Variants in RAD54B observed in about 807,000 individuals in gnomAD.
RAD54B encodes the protein DNA repair and recombination protein RAD54B.
In RAD54B, 78 loss-of-function variants were observed where a neutral mutation model predicts 95.8. That is an observed-to-expected ratio of 0.81 (90% CI 0.68 to 0.98). The LOEUF (loss-of-function observed/expected upper bound fraction) is 0.98, where lower values mean the gene tolerates loss of function less well. RAD54B is among the 50% of genes least tolerant of loss of function. The pLI is 0.00. For missense variants in RAD54B, 957 were observed against 1,056.6 expected, an observed-to-expected ratio of 0.91 and a Z score of 1.31; for synonymous variants, 328 against 354.9, an observed-to-expected ratio of 0.92 and a Z score of 0.85.
Position 94,387,023 on chromosome 8 carries a change from T to C in RAD54B, c.1946A>G (p.Lys649Arg), listed in dbSNP as rs1264084043. The change falls in exon 11 of 15, where the codon AAG (lysine) becomes AGG (arginine). Residue 649 changes from lysine to arginine, a missense_variant. Transcript: ENST00000336148. Reference protein sequence around the residue: ...KESGKLQVLSKLLAVIHELRP... With the variant: ...KESGKLQVLSRLLAVIHELRP... ...AAGTTCGTGGATAACCGCTAAGAGCTTGGACAACACCTGTAGTTTTCCTGA... is the reference window on the plus strand; with the variant it reads ...AAGTTCGTGGATAACCGCTAAGAGCCTGGACAACACCTGTAGTTTTCCTGA... 6.2e-7 allele frequency: 1 copy of C among 1,610,342 alleles called. No individual in the cohort carries two copies. Among genetic ancestry groups the C allele is most frequent in the South Asian group, 1.1e-5 (1 of 89,916 alleles).
At chr8:94,455,803 T>C (rs1459555008) in intron 3 of RAD54B, among the ~76,000 whole-genome samples, 5 of 152,324 alleles carry the variant, frequency 3.3e-5, no homozygotes, top group African/African-American at 1.2e-4. Flanking sequence ...GCTTCCACCA[T>C]CACATGGTCT....
chr8:94,432,711 T>C lies in RAD54B; in HGVS notation c.305-21396A>G, dbSNP rs1348614056. The C allele has an allele frequency of 3.6e-6, 5 of 1,398,024 alleles. No homozygotes were observed. In the African/African-American group the frequency reaches 4.4e-5, roughly 12 times the overall value. The allele number at this position is 1,398,024 out of a possible 1,614,324, so 86.6% of individuals were successfully genotyped here. ...GTAAATCAAATGAAGAAAAAGTGTATATTTATAGCATAATTTTAATTTAAT... is the reference window on the plus strand; with the variant it reads ...GTAAATCAAATGAAGAAAAAGTGTACATTTATAGCATAATTTTAATTTAAT... On this transcript the variant is annotated intron_variant, in intron 3 of 14. Coordinates refer to ENST00000336148, the MANE Select transcript of RAD54B (RefSeq NM_012415.3).
At chr8:94,457,321 GGGA>G (rs1193135653) in intron 3 of RAD54B, among the ~76,000 whole-genome samples, 1 of 152,154 alleles carries the variant, frequency 6.6e-6, no homozygotes, top group African/African-American at 2.4e-5. Flanking sequence ...GCTGTTCCTA[GGGA>G]TCTTCCTATA....
At chr8:94,465,418 T>C (rs1812999872) in intron 2 of RAD54B, among the ~76,000 whole-genome samples, 1 of 152,328 alleles carries the variant, frequency 6.6e-6, no homozygotes, top group South Asian at 2.1e-4. Flanking sequence ...TCAGCATTGC[T>C]AGTCATTAAG....
intron 3 of RAD54B, among the ~76,000 whole-genome samples, chr8:94,448,694 T>TA (rs112849710): frequency 0.15 from 20,819 of 138,234 alleles, 2,896 homozygotes; most frequent in East Asian, 0.35. Flanking sequence ...AATGTTACTT[T>TA]AAAAAAAAAA....
intron 2 of RAD54B, among the ~76,000 whole-genome samples, chr8:94,461,775 G>T (rs538916751): frequency 6.6e-6 from 1 of 152,058 alleles, no homozygotes; most frequent in South Asian, 2.1e-4. Context: ...AACTGCAGAC[G>T]CTATGCTCCT....
chr8:94,434,560 T>C (rs1322720382), intron 3 of RAD54B, among the ~76,000 whole-genome samples: 1 of 151,890 alleles, frequency 6.6e-6, no homozygotes, highest in Admixed American at 6.6e-5. Flanking sequence ...AGTATTTTCC[T>C]TATTAAAAAG....
chr8:94,430,120 T>C, intron 3 of RAD54B: 1 of 749,834 alleles, frequency 1.3e-6, no homozygotes, highest in South Asian at 6.1e-5. Flanking sequence ...AAGACCATCC[T>C]GGCTAACACA....
chr8:94,469,025 G>A (rs1813101020), intron 1 of RAD54B, among the ~76,000 whole-genome samples: 1 of 150,118 alleles, frequency 6.7e-6, no homozygotes, highest in South Asian at 2.1e-4. Context: ...GGGCAAAGTG[G>A]CCCACATCTG....
intron 14 of RAD54B, among the ~76,000 whole-genome samples, chr8:94,377,261 T>G (rs1810602229): frequency 6.6e-6 from 1 of 152,058 alleles, no homozygotes; most frequent in African/African-American, 2.4e-5. Context: ...TCTGGCTGGA[T>G]GCGGTGGCTC....
rs2130177414 is a variant in RAD54B, at chr8:94,458,265, T to A, written c.304+3A>T. ...AAACCTTATCAATAAAAAGCAGTCT[T>A]ACCTGTATGAGGTGGATCTAATGTT... On this transcript the variant is annotated splice_donor_region_variant and intron_variant, in intron 3 of 14. Transcript: ENST00000336148. 1 of 1,592,278 alleles carries A rather than the reference T, an allele frequency of 6.3e-7. No individual in the cohort carries two copies.
intron 3 of RAD54B, among the ~76,000 whole-genome samples, chr8:94,440,182 A>T (rs781314595): frequency 6.7e-6 from 1 of 148,682 alleles, no homozygotes; most frequent in African/African-American, 2.5e-5. Context: ...GACCCCTTAG[A>T]TAGGAATTTA....
chr8:94,383,820 A>G (rs1280880414), intron 11 of RAD54B, among the ~76,000 whole-genome samples: 2 of 152,200 alleles, frequency 1.3e-5, no homozygotes, highest in African/African-American at 4.8e-5. Context: ...CAAAACTACA[A>G]TGATATCCCA....
chr8:94,435,283 T>G (rs1192537916), intron 3 of RAD54B, among the ~76,000 whole-genome samples: 4 of 152,076 alleles, frequency 2.6e-5, no homozygotes, highest in Admixed American at 6.6e-5. Flanking sequence ...GGATTCCCAC[T>G]GGTGATATTT....
intron 2 of RAD54B, among the ~76,000 whole-genome samples, chr8:94,460,177 G>C (rs932282164): frequency 7.3e-6 from 1 of 137,298 alleles, no homozygotes; most frequent in Non-Finnish European, 1.6e-5. Context: ...AAGATGAAAC[G>C]AGATCAGTCA....
At chr8:94,469,550 T>C (rs937347820) in intron 1 of RAD54B, among the ~76,000 whole-genome samples, 41 of 152,248 alleles carry the variant, frequency 2.7e-4, no homozygotes, top group African/African-American at 8.7e-4. Context: ...TATGTCAATT[T>C]TGATAATACT....
At chr8:94,464,257 G>C (rs993317043) in intron 2 of RAD54B, among the ~76,000 whole-genome samples, 15 of 152,252 alleles carry the variant, frequency 9.9e-5, no homozygotes, top group Admixed American at 9.2e-4. Flanking sequence ...ATGAGTTCTA[G>C]CTGCAGAAAA....
Position 94,427,155 on chromosome 8 carries a change from CA to C in RAD54B, c.305-15841del, listed in dbSNP as rs59929136. Among the ~76,000 whole-genome samples the C allele has an allele frequency of 2.5e-3, 385 of 151,988 alleles. 3 individuals carry two copies. The highest frequency in any genetic ancestry group is 8.8e-3 in the African/African-American group (366 of 41,508). On this transcript the variant is annotated intron_variant, in intron 3 of 14. Coordinates refer to ENST00000336148, the MANE Select transcript of RAD54B (RefSeq NM_012415.3). ...GTGAATTCACACATAAATTTTAAAA[CA>C]AAAAAGACCTGCTAGCAAAGTGGAA...
At position 94,464,927 on chromosome 8, in the gene RAD54B, T is replaced by C. The variant is rs77839968; in HGVS notation, c.135+2478A>G. ...AAGAGGGAGGGGGGAGATGCCGCACTCTTTTTAAACAACCAGATATCATGT... is the reference window on the plus strand; with the variant it reads ...AAGAGGGAGGGGGGAGATGCCGCACCCTTTTTAAACAACCAGATATCATGT... On this transcript the variant is annotated intron_variant, in intron 2 of 14. Transcript: ENST00000336148. 4.2e-3 allele frequency among the ~76,000 whole-genome samples: 635 copies of C among 152,148 alleles called. 3 individuals are homozygous for C. The highest frequency in any genetic ancestry group is 0.014 in the African/African-American group (599 of 41,514).
Sources: gnomAD v4.1 joint callset for allele counts (sites outside exome capture counted in the v4.1 genomes callset) on GRCh38, gnomAD v4.1.1 for gene constraint, MANE v1.5 for transcripts, NCBI Gene and HGNC (gene_info 2026-07-23, HGNC 2026-07-21) for gene names.